The following DAPK2 variants were observed in gnomAD, a reference collection of about 807,000 sequenced individuals.
DAPK2 encodes the protein death associated protein kinase 2.
Under a neutral mutation model 44.1 loss-of-function variants are expected in DAPK2, and 35 were observed. The ratio of observed to expected loss-of-function variants is 0.79; its 90% CI spans 0.61 to 1.05. The LOEUF (loss-of-function observed/expected upper bound fraction) is 1.05. DAPK2 is among the 50% of genes least tolerant of loss of function. The pLI is 0.00. For missense variants in DAPK2, 453 were observed against 483.2 expected, an observed-to-expected ratio of 0.94 and a Z score of 0.59; for synonymous variants, 174 against 182.6, an observed-to-expected ratio of 0.95 and a Z score of 0.38.
chr15:63,955,102 T>A (rs953231386), intron 3 of DAPK2, among the ~76,000 whole-genome samples: 1 of 152,240 alleles, frequency 6.6e-6, no homozygotes, highest in African/African-American at 2.4e-5. Flanking sequence ...CAAACAAGGA[T>A]AATTTTACCT....
At chr15:63,933,387 GT>G (rs1297159356) in intron 4 of DAPK2, among the ~76,000 whole-genome samples, 1 of 151,952 alleles carries the variant, frequency 6.6e-6, no homozygotes, top group Admixed American at 6.6e-5. Context: ...GGGATTACAG[GT>G]GCACGCCACC....
chr15:63,996,818 T>C (rs1296240900), intron 1 of DAPK2, among the ~76,000 whole-genome samples: 2 of 152,190 alleles, frequency 1.3e-5, no homozygotes, highest in Non-Finnish European at 2.9e-5. Flanking sequence ...CCGATCCTAA[T>C]GGCCAAGTTC....
intron 8 of DAPK2, chr15:63,920,392 A>G (rs1944719022): frequency 2.0e-5 from 3 of 152,002 alleles, no homozygotes; most frequent in South Asian, 2.1e-4. Flanking sequence ...TGGTGGCTCT[A>G]TTTCTCATTT....
chr15:63,908,291 A>G lies in DAPK2; in HGVS notation c.*229T>C. ...TGGCAGACAGAGGAAAGCCCATTTT[A>G]TGGAGAATTAAGAGCTTTGGGAATG... is the stretch of plus-strand genomic sequence containing the variant. On this transcript the variant is annotated 3_prime_UTR_variant, in exon 11 of 11. Coordinates refer to ENST00000261891, the Ensembl canonical transcript of DAPK2. The surrounding 1 kb of genome is among the most constrained non-coding windows in gnomAD (Gnocchi z 5.7). 1 of 383,254 alleles carries G rather than the reference A, an allele frequency of 2.6e-6. No individual in the cohort carries two copies. The highest frequency in any genetic ancestry group is 4.6e-6 in the Non-Finnish European group (1 of 215,508). 23.7% of individuals were successfully genotyped at this position (383,254 alleles called of 1,614,324 possible).
intron 1 of DAPK2, among the ~76,000 whole-genome samples, chr15:64,026,419 T>C (rs1189484259): frequency 2.0e-5 from 3 of 152,068 alleles, no homozygotes; most frequent in Non-Finnish European, 4.4e-5. Context: ...AATTTTTGTA[T>C]TTTTTGTAGA....
At chr15:64,032,793 A>AC (rs1171077985) in intron 1 of DAPK2, among the ~76,000 whole-genome samples, 1 of 152,044 alleles carries the variant, frequency 6.6e-6, no homozygotes, top group Non-Finnish European at 1.5e-5. Flanking sequence ...CCTACAAAAA[A>AC]TTTAAAAATT....
At chr15:64,004,657 T>C (rs1384165744) in intron 1 of DAPK2, among the ~76,000 whole-genome samples, 1 of 151,950 alleles carries the variant, frequency 6.6e-6, no homozygotes, top group Admixed American at 6.6e-5. Context: ...TTTGGTGGGG[T>C]CTTTCCCCTC....
At chr15:64,038,346 T>G (rs1249686083) in intron 1 of DAPK2, among the ~76,000 whole-genome samples, 2 of 152,218 alleles carry the variant, frequency 1.3e-5, no homozygotes, top group Non-Finnish European at 2.9e-5. Context: ...CAAGCATCAT[T>G]GGCAGGGCTG....
intron 2 of DAPK2, among the ~76,000 whole-genome samples, chr15:63,973,494 G>C (rs1160469204): frequency 6.6e-6 from 1 of 152,202 alleles, no homozygotes; most frequent in Non-Finnish European, 1.5e-5. Context: ...TTTAGAATGG[G>C]AATGTGTATC....
upstream of DAPK2, among the ~76,000 whole-genome samples, chr15:64,042,632 C>T (rs1053108769): frequency 6.6e-6 from 1 of 152,198 alleles, no homozygotes; most frequent in African/African-American, 2.4e-5. The surrounding 1 kb of genome is among the most constrained non-coding windows in gnomAD (Gnocchi z 4.7). Flanking sequence ...GCAGGTGAGC[C>T]CCTTAGGGAC....
rs144624293 is a variant in DAPK2 at position 64,015,134 on chromosome 15, G to A, written c.92+25036C>T. ...ATGTAAGGCAGCAGGAAAGGGTACC[G>A]TGTGGTCAGGAGTCTGTGCCAGCTG... On this transcript the variant is annotated intron_variant, in intron 1 of 10. Coordinates refer to ENST00000261891, the Ensembl canonical transcript of DAPK2. 9.9e-3 allele frequency among the ~76,000 whole-genome samples: 1,502 copies of A among 152,286 alleles called. 18 individuals are homozygous for A. The highest frequency in any genetic ancestry group is 0.015 in the Non-Finnish European group (991 of 68,026).
chr15:64,037,947 C>A (rs1271116104), intron 1 of DAPK2, among the ~76,000 whole-genome samples: 1 of 149,784 alleles, frequency 6.7e-6, no homozygotes. Flanking sequence ...GTGAGAATCA[C>A]CCCAAGACAC....
chr15:63,952,964 A>C, intron 3 of DAPK2, among the ~76,000 whole-genome samples: 1 of 148,626 alleles, frequency 6.7e-6, no homozygotes, highest in Non-Finnish European at 1.5e-5. Context: ...TGGCCCCTCT[A>C]CCCTTCTGAG....
chr15:63,930,436 G>C lies in DAPK2; in HGVS notation c.603C>G (p.Tyr201Ter), dbSNP rs199809638. 3.7e-6 allele frequency: 6 copies of C among 1,614,046 alleles called. No homozygotes were observed. The highest frequency in any genetic ancestry group is 5.1e-6 in the Non-Finnish European group (6 of 1,180,030). Residue 201 changes from tyrosine to a stop codon, truncating the protein, a stop_gained, in exon 5 of 11, where the codon TAC becomes TAG. Coordinates refer to ENST00000261891, the Ensembl canonical transcript of DAPK2. LOFTEE classifies it high-confidence loss of function. ...TGTCAGCCTCCAGACCCAGGGGCTCGTAGTTCACAATTTCTGGAGCTGAAA... is the reference window on the plus strand; with the variant it reads ...TGTCAGCCTCCAGACCCAGGGGCTCCTAGTTCACAATTTCTGGAGCTGAAA...
chr15:63,920,664 A>T (rs955933707), intron 8 of DAPK2: 2 of 152,156 alleles, frequency 1.3e-5, no homozygotes, highest in African/African-American at 4.8e-5. Context: ...TCTTGTCCTA[A>T]ACCACTTCCT....
chr15:64,016,869 AAGGAAG>A (rs2079545753), intron 1 of DAPK2, among the ~76,000 whole-genome samples: 2 of 148,642 alleles, frequency 1.3e-5, no homozygotes, highest in Non-Finnish European at 3.0e-5. Flanking sequence ...GGAAGGAAGG[AAGGAAG>A]GAAGGAAGGA....
At chr15:64,030,372 G>A (rs73456785) in intron 1 of DAPK2, among the ~76,000 whole-genome samples, 1 of 152,142 alleles carries the variant, frequency 6.6e-6, no homozygotes, top group Non-Finnish European at 1.5e-5. Context: ...GCACCTAGAT[G>A]TTGACAGGGC....
intron 1 of DAPK2, among the ~76,000 whole-genome samples, chr15:64,033,170 C>T (rs905252960): frequency 1.3e-5 from 2 of 149,780 alleles, no homozygotes; most frequent in South Asian, 2.1e-4. Flanking sequence ...TGAGGTGGGA[C>T]GATTGCTTGA....
At chr15:64,026,954 A>G (rs753677934) in intron 1 of DAPK2, among the ~76,000 whole-genome samples, 4 of 152,192 alleles carry the variant, frequency 2.6e-5, no homozygotes, top group Non-Finnish European at 4.4e-5. Flanking sequence ...CCATGAAAAT[A>G]TAATGATGAC....
Sources: allele counts gnomAD v4.1 joint callset (sites outside exome capture counted in the v4.1 genomes callset), GRCh38; gene constraint gnomAD v4.1.1; non-coding constraint Gnocchi (gnomAD v3.1); transcripts MANE v1.5; gene names NCBI Gene and HGNC (gene_info 2026-07-23, HGNC 2026-07-21).